The following TRDN variants were observed in gnomAD, a reference collection of about 807,000 sequenced individuals.
TRDN encodes triadin in skeletal muscle.
TRDN carries 161 observed loss-of-function variants against 149.7 expected under a neutral mutation model. The ratio of observed to expected loss-of-function variants is 1.08; its 90% CI spans 0.95 to 1.23. The LOEUF (loss-of-function observed/expected upper bound fraction) is 1.23, where lower values mean the gene tolerates loss of function less well. TRDN is among the 50% of genes most tolerant of loss of function. The pLI, the probability that TRDN is intolerant of heterozygous loss-of-function variation, is 0.00. For missense variants in TRDN, 896 were observed against 823.5 expected (o/e 1.09, Z -1.08); for synonymous variants, 294 against 250.5 (o/e 1.17, Z -1.64).
intron 20 of TRDN, among the ~76,000 whole-genome samples, chr6:123,354,726 C>T (rs1027475987): frequency 6.6e-6 from 1 of 151,508 alleles, no homozygotes; most frequent in Non-Finnish European, 1.5e-5. Context: ...TCTAATTGAA[C>T]TTATAAAATA....
intron 20 of TRDN, among the ~76,000 whole-genome samples, chr6:123,357,281 T>C (rs1780719191): frequency 6.6e-6 from 1 of 152,078 alleles, no homozygotes; most frequent in African/African-American, 2.4e-5. Context: ...TGACAAAAGA[T>C]ATGTCTTGAT....
intron 4 of TRDN, among the ~76,000 whole-genome samples, chr6:123,541,112 C>G (rs771272560): frequency 6.6e-6 from 1 of 152,184 alleles, no homozygotes; most frequent in Non-Finnish European, 1.5e-5. Context: ...CCCCTCACAT[C>G]CTTTTCTCTA....
At chr6:123,466,949 A>G (rs1776856810) in intron 9 of TRDN, among the ~76,000 whole-genome samples, 1 of 152,120 alleles carries the variant, frequency 6.6e-6, no homozygotes, top group Non-Finnish European at 1.5e-5. Context: ...GGAACTTATT[A>G]TACTATATAT....
At chr6:123,431,051 G>A (rs1475451015) in intron 12 of TRDN, among the ~76,000 whole-genome samples, 2 of 152,146 alleles carry the variant, frequency 1.3e-5, no homozygotes, top group African/African-American at 4.8e-5. Context: ...AACAACTATT[G>A]TCTTACCTAA....
intron 14 of TRDN, among the ~76,000 whole-genome samples, chr6:123,388,035 A>G (rs1781971925): frequency 6.6e-6 from 1 of 152,064 alleles, no homozygotes; most frequent in Admixed American, 6.6e-5. Context: ...CAATGTTTCA[A>G]AAGGAGAAAA....
At chr6:123,491,311 T>A (rs1778209204) in intron 9 of TRDN, among the ~76,000 whole-genome samples, 1 of 152,126 alleles carries the variant, frequency 6.6e-6, no homozygotes, top group Non-Finnish European at 1.5e-5. Context: ...ATTAAAGATA[T>A]ATTCAAAATT....
chr6:123,633,794 G>T (rs1016919878), intron 1 of TRDN, among the ~76,000 whole-genome samples: 1 of 151,982 alleles, frequency 6.6e-6, no homozygotes, highest in Non-Finnish European at 1.5e-5. Flanking sequence ...GGAACCTGCA[G>T]TGGAAATTGA....
chr6:123,605,224 T>C lies in TRDN; in HGVS notation c.22+31530A>G, dbSNP rs563603476. Reference sequence around the variant, plus strand: ...GTCAAAATAAATATTTTAATAATTATTTAATAATTATTATTTCCATCAAAT... The same window carrying C: ...GTCAAAATAAATATTTTAATAATTACTTAATAATTATTATTTCCATCAAAT... On this transcript the variant is annotated intron_variant, in intron 1 of 40. Coordinates refer to ENST00000334268, the MANE Select transcript of TRDN (RefSeq NM_006073.4). 2.5e-3 allele frequency among the ~76,000 whole-genome samples: 210 copies of C among 84,588 alleles called. 1 individual carries two copies. The highest frequency in any genetic ancestry group is 5.2e-3 in the Admixed American group (47 of 9,066). The allele number at this position is 84,588 out of a possible 152,430, so 55.5% of individuals were successfully genotyped here.
chr6:123,456,418 A>G (rs1672399654), intron 10 of TRDN, among the ~76,000 whole-genome samples: 1 of 152,186 alleles, frequency 6.6e-6, no homozygotes, highest in African/African-American at 2.4e-5. Context: ...GTTTTATTCT[A>G]GTAAATTACA....
chr6:123,267,602 T>G, intron 32 of TRDN, 105 bp downstream of exon 32: 1 of 740,036 alleles, frequency 1.4e-6, no homozygotes, highest in Non-Finnish European at 2.1e-6. Context: ...GACAACACAT[T>G]ACCAGGAAAC....
At chr6:123,401,726 C>T (rs1772982117) in intron 12 of TRDN, among the ~76,000 whole-genome samples, 1 of 152,068 alleles carries the variant, frequency 6.6e-6, no homozygotes, top group South Asian at 2.1e-4. Context: ...AGGTGGATCA[C>T]CTGAGGTCAG....
chr6:123,346,334 C>T (rs986483871), intron 21 of TRDN, among the ~76,000 whole-genome samples: 1 of 152,096 alleles, frequency 6.6e-6, no homozygotes, highest in East Asian at 1.9e-4. Flanking sequence ...ATTACTTAAA[C>T]ACTTTTCAAA....
At chr6:123,230,285 G>C (rs1390717734) in intron 38 of TRDN, among the ~76,000 whole-genome samples, 1 of 151,750 alleles carries the variant, frequency 6.6e-6, no homozygotes. Flanking sequence ...ACTATCGCAG[G>C]GACAAAAAAC....
chr6:123,437,251 C>A (rs993692305), intron 12 of TRDN: 1 of 228,234 alleles, frequency 4.4e-6, no homozygotes, highest in African/African-American at 2.3e-5. Context: ...TGGTCCTCAC[C>A]TTGATTAAAC....
chr6:123,427,152 T>C (rs1774156950), intron 12 of TRDN, among the ~76,000 whole-genome samples: 1 of 151,964 alleles, frequency 6.6e-6, no homozygotes, highest in Admixed American at 6.6e-5. Flanking sequence ...AAACATTCTA[T>C]GATAAGATTC....
At chr6:123,416,706 CT>C (rs773305605) in intron 12 of TRDN, among the ~76,000 whole-genome samples, 1 of 148,622 alleles carries the variant, frequency 6.7e-6, no homozygotes, top group South Asian at 2.1e-4. Flanking sequence ...CTCTTTTTTT[CT>C]TTTTTTTTAG....
At chr6:123,337,059 A>C (rs2114736698) in intron 22 of TRDN, among the ~76,000 whole-genome samples, 1 of 152,148 alleles carries the variant, frequency 6.6e-6, no homozygotes, top group East Asian at 1.9e-4. Flanking sequence ...GAAGTTACAA[A>C]ATTTAATTAA....
At chr6:123,571,853 C>A (rs965232807) in intron 1 of TRDN, among the ~76,000 whole-genome samples, 12 of 151,934 alleles carry the variant, frequency 7.9e-5, no homozygotes, top group Admixed American at 3.3e-4. Context: ...CTCAAAATAC[C>A]ATTTAAGTGG....
intron 14 of TRDN, among the ~76,000 whole-genome samples, chr6:123,382,579 C>T (rs960301306): frequency 4.0e-5 from 6 of 151,748 alleles, no homozygotes; most frequent in African/African-American, 1.5e-4. Context: ...TAAGTCAGTC[C>T]AGGTGAATTA....
Sources: gnomAD v4.1 joint callset for allele counts (sites outside exome capture counted in the v4.1 genomes callset) on GRCh38, gnomAD v4.1.1 for gene constraint, MANE v1.5 for transcripts, NCBI Gene and HGNC (gene_info 2026-07-23, HGNC 2026-07-21) for gene names.